The following USP24 variants were observed in gnomAD, a reference collection of about 807,000 sequenced individuals.
The protein encoded by USP24 is ubiquitin specific peptidase 24.
USP24 carries 97 observed loss-of-function variants against 361.6 expected under a neutral mutation model. The ratio of observed to expected loss-of-function variants is 0.27; its 90% confidence interval spans 0.23 to 0.32. USP24 has a LOEUF of 0.32. Among genes scored for constraint, USP24 ranks in the 10% least tolerant of loss-of-function variants. The pLI is 1.00. For missense variants in USP24, 2,353 were observed against 3,165.6 expected (o/e 0.74, Z 6.16); for synonymous variants, 1,098 against 1,124.6 (o/e 0.98, Z 0.47).
At chr1:55,197,089 T>TA (rs1208105988) in intron 1 of USP24, among the ~76,000 whole-genome samples, 1 of 152,236 alleles carries the variant, frequency 6.6e-6, no homozygotes, top group Non-Finnish European at 1.5e-5. Flanking sequence ...TTAGGCCTGT[T>TA]ACAGAAAACT....
chr1:55,140,001 AC>A (rs536837188), intron 24 of USP24, among the ~76,000 whole-genome samples: 29 of 150,748 alleles, frequency 1.9e-4, no homozygotes, highest in African/African-American at 5.9e-4. Flanking sequence ...GATGACAGAA[AC>A]CCCCCCCACC....
chr1:55,129,355 A>G (rs1425267317), intron 32 of USP24, 122 bp downstream of exon 32: 3 of 639,438 alleles, frequency 4.7e-6, no homozygotes, highest in Non-Finnish European at 7.8e-6. Context: ...CCTTCTTATA[A>G]TAACTCTCAC....
chr1:55,101,097 C>T, intron 43 of USP24, 133 bp from the exon 44 acceptor site: 1 of 1,063,868 alleles, frequency 9.4e-7, no homozygotes, highest in Non-Finnish European at 1.3e-6. Flanking sequence ...TATAATGCTG[C>T]AGATATTTAA....
Position 55,215,287 on chromosome 1 carries a change from G to C in USP24, c.-174C>G, listed in dbSNP as rs987071853. On this transcript the variant is annotated 5_prime_UTR_variant, in exon 1 of 68. Coordinates refer to ENST00000294383, the MANE Select transcript of USP24 (RefSeq NM_015306.3). Reference sequence around the variant, plus strand: ...GGCTGGGTGCGGGCTTGGGTCCTGCGAGCCGAGCTAGTGCGGTGAGGCGCT... The same window carrying C: ...GGCTGGGTGCGGGCTTGGGTCCTGCCAGCCGAGCTAGTGCGGTGAGGCGCT... Among the ~76,000 whole-genome samples, 1 of 151,850 alleles carries C rather than the reference G, an allele frequency of 6.6e-6. No homozygotes were observed. Among genetic ancestry groups the C allele is most frequent in the East Asian group, 2.0e-4 (1 of 5,114 alleles).
intron 1 of USP24, among the ~76,000 whole-genome samples, chr1:55,184,964 T>A (rs1330813136): frequency 6.7e-6 from 1 of 150,172 alleles, no homozygotes; most frequent in Non-Finnish European, 1.5e-5. Context: ...TTTTTATTTT[T>A]ATTTTTTTTT....
intron 31 of USP24, among the ~76,000 whole-genome samples, chr1:55,130,088 G>A (rs1646548939): frequency 6.6e-6 from 1 of 152,164 alleles, no homozygotes; most frequent in Non-Finnish European, 1.5e-5. Context: ...AAGGTCACGT[G>A]GTTAGAATTC....
chr1:55,177,492 A>T (rs1650112310), intron 2 of USP24, among the ~76,000 whole-genome samples: 1 of 151,804 alleles, frequency 6.6e-6, no homozygotes, highest in Admixed American at 6.6e-5. Context: ...ACTGAATTCA[A>T]TATGAAAAAA....
At chr1:55,203,479 T>C (rs560640936) in intron 1 of USP24, among the ~76,000 whole-genome samples, 1 of 152,368 alleles carries the variant, frequency 6.6e-6, no homozygotes, top group Non-Finnish European at 1.5e-5. Context: ...TTTCAACTGC[T>C]AGTTCTGCTT....
rs1283297794 is a variant in USP24 at position 55,075,662 on chromosome 1, ACAACAC to A, written c.7381-145_7381-140del. The A allele has an allele frequency of 2.4e-4, 111 of 464,246 alleles. No individual in the cohort carries two copies. In the African/African-American group the frequency reaches 5.1e-3, roughly 21 times the overall value. 28.8% of individuals were successfully genotyped at this position (464,246 alleles called of 1,614,324 possible). A position where few individuals can be genotyped will look rare whatever the true frequency, so the allele number is the denominator to read the frequency against. ...AACAACAACAACAACAACAACAACA[ACAACAC>A]CACCACCACCAATACAGGACGGGCA... On this transcript the variant is annotated intron_variant, in intron 62 of 67. Transcript: ENST00000294383.
chr1:55,163,974 C>T (rs1648560350), intron 7 of USP24, among the ~76,000 whole-genome samples: 1 of 151,948 alleles, frequency 6.6e-6, no homozygotes, highest in African/African-American at 2.4e-5. Flanking sequence ...ATCTCATTCT[C>T]TAGGTATTGA....
intron 1 of USP24, among the ~76,000 whole-genome samples, chr1:55,187,172 A>G (rs1241186964): frequency 6.6e-6 from 1 of 152,228 alleles, no homozygotes; most frequent in African/African-American, 2.4e-5. Flanking sequence ...AGAATAAAGG[A>G]CATAAAAAAT....
rs186383845 is a variant in USP24, at chr1:55,133,899, T to C, written c.3381+171A>G. 4.7e-3 allele frequency among the ~76,000 whole-genome samples: 717 copies of C among 152,204 alleles called. 5 individuals carry two copies. The highest frequency in any genetic ancestry group is 5.9e-3 in the Non-Finnish European group (404 of 68,004). ...CCTCCCACCTTGGCCTCCCAAAGTG[T>C]TGGAATTACAGGCGTGAGCCACTGC... On this transcript the variant is annotated intron_variant, in intron 30 of 67. Coordinates refer to ENST00000294383, the MANE Select transcript of USP24 (RefSeq NM_015306.3).
intron 67 of USP24, among the ~76,000 whole-genome samples, chr1:55,070,688 G>A (rs906926571): frequency 3.3e-5 from 5 of 152,204 alleles, no homozygotes; most frequent in African/African-American, 1.2e-4. Context: ...GGGGCAACAG[G>A]GAGAAGAGAG....
At chr1:55,094,118 G>A (rs374040279) in intron 51 of USP24, 31 bp from the exon 52 acceptor site, 157 of 1,576,200 alleles carry the variant, frequency 1.0e-4, no homozygotes, top group Non-Finnish European at 1.3e-4. Flanking sequence ...ACTCTGTCTA[G>A]TATAAAGTGG....
intron 32 of USP24, among the ~76,000 whole-genome samples, chr1:55,129,017 C>A (rs1646518256): frequency 6.6e-6 from 1 of 152,016 alleles, no homozygotes; most frequent in Non-Finnish European, 1.5e-5. Flanking sequence ...ACCATGCCTG[C>A]CCTGTTTTAA....
chr1:55,145,254 CAAA>C (rs36122889), intron 20 of USP24, among the ~76,000 whole-genome samples: 1 of 152,126 alleles, frequency 6.6e-6, no homozygotes, highest in Admixed American at 6.5e-5. Flanking sequence ...TGGCAACAAT[CAAA>C]ATGTCCATTA....
Position 55,126,323 on chromosome 1 carries a change from C to T in USP24, c.3636-565G>A, listed in dbSNP as rs550277474. Among the ~76,000 whole-genome samples the T allele has an allele frequency of 2.6e-5, 4 of 152,346 alleles. No homozygotes were observed. The Middle Eastern group carries it at 0.01, about 389-fold the overall frequency. On this transcript the variant is annotated intron_variant, in intron 32 of 67. Transcript: ENST00000294383. The stretch of plus-strand genomic sequence containing the variant: ...CTCCTGGGTCTCGCTCCCTTATCTC[C>T]TTCAGGTCTTTGCTAGATGTCACCC...
In USP24 at chr1:55,097,916, G is replaced by T. The variant is rs1448637343; in HGVS notation, c.5595+27C>A. ...ACTATGCGAATAACAAATTAATCTT[G>T]TTTTTTAAAAAGGGCAAACATAATA... is the stretch of plus-strand genomic sequence containing the variant. On this transcript the variant is annotated intron_variant, in intron 47 of 67. Transcript: ENST00000294383. The T allele has an allele frequency of 1.9e-6, 3 of 1,572,504 alleles. No individual in the cohort carries two copies. In the South Asian group the frequency reaches 3.6e-5, roughly 19 times the overall value.
At chr1:55,204,848 G>A (rs1277697963) in intron 1 of USP24, among the ~76,000 whole-genome samples, 5 of 152,162 alleles carry the variant, frequency 3.3e-5, no homozygotes, top group African/African-American at 1.2e-4. Flanking sequence ...GACATTTTCA[G>A]TATAATGCCT....
Sources: gnomAD v4.1 joint callset for allele counts (sites outside exome capture counted in the v4.1 genomes callset) on GRCh38, gnomAD v4.1.1 for gene constraint, MANE v1.5 for transcripts, NCBI Gene and HGNC (gene_info 2026-07-23, HGNC 2026-07-21) for gene names.